Variants in HECTD2 observed in about 807,000 individuals in gnomAD.
The protein encoded by HECTD2 is HECT domain E3 ubiquitin protein ligase 2, also known as probable E3 ubiquitin-protein ligase HECTD2.
A neutral mutation model predicts 103.2 loss-of-function variants in HECTD2; 35 were observed. The observed-to-expected ratio is 0.34, with a 90% CI of 0.26 to 0.45. The LOEUF is 0.45. Ranked by LOEUF, HECTD2 falls within the 20% of genes least tolerant of loss-of-function variation. The pLI is 1.00. For missense variants in HECTD2, 596 were observed against 937.4 expected (o/e 0.64, Z 4.76); for synonymous variants, 281 against 329.9 (o/e 0.85, Z 1.61).
rs781105709 is a variant in HECTD2 at position 91,482,951 on chromosome 10, TTAA to T, written c.712-13_712-11del. ...TAACAGAATTTTAACACAATTATCTTTAATATCTTTTTCAGAATCCTCAGTTTA... is the reference window on the plus strand; with the variant it reads ...TAACAGAATTTTAACACAATTATCTTTATCTTTTTCAGAATCCTCAGTTTA... On this transcript the variant is annotated splice_polypyrimidine_tract_variant and intron_variant, in intron 7 of 20. Coordinates refer to ENST00000298068, the MANE Select transcript of HECTD2 (RefSeq NM_182765.6). 50 of 1,190,140 alleles carry T rather than the reference TTAA, an allele frequency of 4.2e-5. 1 individual carries two copies. The highest frequency in any genetic ancestry group is 2.0e-4 in the Middle Eastern group (1 of 5,074). The allele number at this position is 1,190,140 out of a possible 1,614,324, so 73.7% of individuals were successfully genotyped here. A position where few individuals can be genotyped will look rare whatever the true frequency, so the allele number is the denominator to read the frequency against.
At chr10:91,410,243 G>T (rs1189757664), upstream of HECTD2, 1 of 153,122 alleles carries the variant, frequency 6.5e-6, no homozygotes, top group South Asian at 1.8e-4. Flanking sequence ...CCGCGTCCGC[G>T]GGGCTGGCGC....
chr10:91,451,874 C>G (rs1844843856), intron 2 of HECTD2, among the ~76,000 whole-genome samples: 1 of 152,028 alleles, frequency 6.6e-6, no homozygotes, highest in African/African-American at 2.4e-5. Context: ...AAAATATATC[C>G]TGATTACATT....
intron 20 of HECTD2, among the ~76,000 whole-genome samples, chr10:91,511,675 A>G (rs1369793186): frequency 1.3e-5 from 2 of 152,068 alleles, no homozygotes; most frequent in African/African-American, 2.4e-5. Flanking sequence ...GCAGTTCACA[A>G]TAGGGTCCTT....
At chr10:91,509,114 G>A (rs1847317948) in intron 20 of HECTD2, among the ~76,000 whole-genome samples, 1 of 134,738 alleles carries the variant, frequency 7.4e-6, no homozygotes, top group Admixed American at 8.1e-5. Context: ...TCACACTCTG[G>A]GGACTGTTGT....
In HECTD2 at chr10:91,512,328, C is replaced by G; in HGVS notation, c.2275C>G (p.Leu759Val). The G allele has an allele frequency of 6.2e-7, 1 of 1,613,458 alleles. No homozygotes were observed. Among genetic ancestry groups the G allele is most frequent in the Non-Finnish European group, 8.5e-7 (1 of 1,179,612 alleles). The part of the protein sequence containing the change: ...CLPPYKSKKD[L>V]KQKLIIGISN... ...TCCCCCCTACAAGAGCAAAAAGGAT[C>G]TGAAACAGAAATTGATCATTGGAAT... Residue 759 changes from leucine (L) to valine (V), a missense_variant, in exon 21 of 21, where the codon CTG (leucine) becomes GTG (valine). Around this residue, in one of 4 missense-constraint regions of HECTD2, gnomAD observed 69 missense variants for 153.8 expected, o/e 0.45. Transcript: ENST00000298068.
intron 2 of HECTD2, among the ~76,000 whole-genome samples, chr10:91,427,894 G>T (rs961764600): frequency 1.3e-5 from 2 of 151,684 alleles, no homozygotes; most frequent in African/African-American, 4.8e-5. Context: ...GATCCCATTT[G>T]TCAATTTTGT....
chr10:91,460,098 C>T (rs539766813), intron 2 of HECTD2, among the ~76,000 whole-genome samples: 29 of 152,108 alleles, frequency 1.9e-4, no homozygotes, highest in South Asian at 1.0e-3. Context: ...GAAATACCCC[C>T]GGAAAGATGA....
chr10:91,453,956 A>T (rs1365083413), intron 2 of HECTD2, among the ~76,000 whole-genome samples: 1 of 152,154 alleles, frequency 6.6e-6, no homozygotes, highest in African/African-American at 2.4e-5. Context: ...TTATATAATG[A>T]TAAAAGGGAT....
chr10:91,410,593 G>A lies in HECTD2; in HGVS notation c.138+17G>A. 4 of 1,239,288 alleles carry A rather than the reference G, an allele frequency of 3.2e-6. No homozygotes were observed. The highest frequency in any genetic ancestry group is 4.0e-6 in the Non-Finnish European group (4 of 1,006,718). The allele number at this position is 1,239,288 out of a possible 1,614,324, so 76.8% of individuals were successfully genotyped here. On this transcript the variant is annotated intron_variant, in intron 1 of 20. Transcript: ENST00000298068. The stretch of plus-strand genomic sequence containing the variant: ...GCGACCGCGGTAGGTGGTGGGCCGG[G>A]GCCGTCTGGCGCCCCGGACGGCGGG...
chr10:91,413,429 A>G (rs1229960951), intron 1 of HECTD2, among the ~76,000 whole-genome samples: 1 of 152,180 alleles, frequency 6.6e-6, no homozygotes, highest in Non-Finnish European at 1.5e-5. Context: ...TCATTCCTAC[A>G]TCTCACCCTA....
intron 1 of HECTD2, among the ~76,000 whole-genome samples, chr10:91,418,680 A>AACG (rs1589456404): frequency 3.9e-5 from 6 of 151,912 alleles, no homozygotes; most frequent in African/African-American, 1.5e-4. Flanking sequence ...AAAAAAAACC[A>AACG]TACAAAAAGA....
At chr10:91,421,708 T>A (rs1333963790) in intron 1 of HECTD2, among the ~76,000 whole-genome samples, 2 of 152,202 alleles carry the variant, frequency 1.3e-5, no homozygotes, top group Non-Finnish European at 2.9e-5. Context: ...CTAGTGAGCA[T>A]TGGTTCCTTT....
intron 13 of HECTD2, among the ~76,000 whole-genome samples, chr10:91,492,966 A>T (rs897429863): frequency 2.0e-5 from 3 of 151,858 alleles, no homozygotes; most frequent in Non-Finnish European, 4.4e-5. Context: ...ACTATCTGTT[A>T]AACTTTTCAA....
At chr10:91,444,631 T>C (rs1394348748) in intron 2 of HECTD2, among the ~76,000 whole-genome samples, 1 of 152,138 alleles carries the variant, frequency 6.6e-6, no homozygotes, top group African/African-American at 2.4e-5. Flanking sequence ...TCCCTGAATA[T>C]CAAGGCATTG....
Position 91,477,069 on chromosome 10 carries a change from T to C in HECTD2, c.601-1132T>C, listed in dbSNP as rs536307139. Among the ~76,000 whole-genome samples, 25 of 152,026 alleles carry C rather than the reference T, an allele frequency of 1.6e-4. 1 individual carries two copies. In the South Asian group the frequency reaches 5.2e-3, roughly 32 times the overall value. ...GGTGGCGGGCGCCTGTAGTCCCAGCTACTCGGGAGGCTGAGGCAGGAGAAT... is the reference window on the plus strand; with the variant it reads ...GGTGGCGGGCGCCTGTAGTCCCAGCCACTCGGGAGGCTGAGGCAGGAGAAT... On this transcript the variant is annotated intron_variant, in intron 5 of 20. Coordinates refer to ENST00000298068, the MANE Select transcript of HECTD2 (RefSeq NM_182765.6).
intron 2 of HECTD2, among the ~76,000 whole-genome samples, chr10:91,439,573 T>C (rs1005199169): frequency 1.3e-5 from 2 of 152,190 alleles, no homozygotes; most frequent in Non-Finnish European, 2.9e-5. Flanking sequence ...CAGGCTCTTT[T>C]TGGTTCCACA....
intron 2 of HECTD2, among the ~76,000 whole-genome samples, chr10:91,443,342 G>A (rs958076788): frequency 7.3e-6 from 1 of 137,530 alleles, no homozygotes; most frequent in Non-Finnish European, 1.5e-5. Flanking sequence ...CAGTTAGAAG[G>A]AAAGGTCTGC....
At chr10:91,493,795 T>A (rs958422079) in intron 14 of HECTD2, among the ~76,000 whole-genome samples, 10 of 151,868 alleles carry the variant, frequency 6.6e-5, no homozygotes, top group African/African-American at 9.7e-5. Context: ...AGGCATTTTT[T>A]AAAAAAAATC....
rs530535213 is a variant in HECTD2, at chr10:91,460,703, C to T, written c.407+138C>T. On this transcript the variant is annotated intron_variant, in intron 3 of 20. Transcript: ENST00000298068. ...AAGAGGACCTCAAAAGACTATATGT[C>T]TCAAGTTGAAGGTGAAAGAAAACAA... 24 of 713,840 alleles carry T rather than the reference C, an allele frequency of 3.4e-5. No homozygotes were observed. The African/African-American group carries it at 4.3e-4, about 13-fold the overall frequency. 44.2% of individuals were successfully genotyped at this position (713,840 alleles called of 1,614,324 possible). A position where few individuals can be genotyped will look rare whatever the true frequency, so the allele number is the denominator to read the frequency against.
Sources: allele counts gnomAD v4.1 joint callset (sites outside exome capture counted in the v4.1 genomes callset), GRCh38; gene constraint gnomAD v4.1.1; regional missense constraint gnomAD v4.1.1; transcripts MANE v1.5; gene names NCBI Gene and HGNC (gene_info 2026-07-23, HGNC 2026-07-21).